Variants in STIP1 observed in about 807,000 individuals in gnomAD.
STIP1 encodes stress induced phosphoprotein 1, also known as stress-induced-phosphoprotein 1.
A neutral mutation model predicts 77.4 loss-of-function variants in STIP1; 16 were observed. That is an observed-to-expected ratio of 0.21 (90% confidence interval 0.14 to 0.31). STIP1 has a LOEUF of 0.31. STIP1 is among the 10% of genes least tolerant of loss of function. The probability of loss-of-function intolerance (pLI) is 1.00; values close to 1 mark genes in which losing one functional copy is unlikely to be tolerated. For synonymous variants in STIP1, 258 were observed against 246.6 expected (o/e 1.05, Z -0.44); for missense variants, 524 against 684.8 (o/e 0.77, Z 2.62).
chr11:64,197,729 C>T, intron 7 of STIP1, 125 bp from the exon 8 acceptor site: 1 of 1,547,842 alleles, frequency 6.5e-7, no homozygotes, highest in South Asian at 1.2e-5. Context: ...AAGAAGGTCA[C>T]CAGAGACAAG....
chr11:64,203,838 A>G, intron 13 of STIP1: 1 of 769,460 alleles, frequency 1.3e-6, no homozygotes, highest in Non-Finnish European at 2.1e-6. Context: ...TTTAGCTGGG[A>G]GAAAGGTCTT....
rs771743229 is a variant in STIP1, at chr11:64,203,642, C to T, written c.1559+20C>T. On this transcript the variant is annotated intron_variant, in intron 13 of 13. Transcript: ENST00000305218. Reference sequence around the variant, plus strand: ...CAGCGAGTACGTAGAGTCAGAGAGGCGGCCTTGCTGGAAATGGAGAACAAA... The same window carrying T: ...CAGCGAGTACGTAGAGTCAGAGAGGTGGCCTTGCTGGAAATGGAGAACAAA... 10 of 1,614,022 alleles carry T rather than the reference C, an allele frequency of 6.2e-6. No individual in the cohort carries two copies. The highest frequency in any genetic ancestry group is 1.1e-5 in the South Asian group (1 of 91,078).
chr11:64,197,817 C>G, intron 7 of STIP1, 37 bp from the exon 8 acceptor site: 2 of 1,598,174 alleles, frequency 1.3e-6, no homozygotes, highest in Non-Finnish European at 1.7e-6. Context: ...CTTTATCTCT[C>G]TGTCCTAAGC....
rs201356352 is a variant in STIP1, at chr11:64,186,258, C to T, written c.-4C>T. ...TTCAACGGGGTTCCGGACCGCGCTG[C>T]GCTATGGAGCAGGTGAAGGGGGAGG... On this transcript the variant is annotated 5_prime_UTR_variant, in exon 1 of 14. Transcript: ENST00000305218. 13 of 1,508,470 alleles carry T rather than the reference C, an allele frequency of 8.6e-6. No individual in the cohort carries two copies. In the East Asian group the frequency reaches 2.4e-4, roughly 28 times the overall value. 93.4% of individuals were successfully genotyped at this position (1,508,470 alleles called of 1,614,324 possible). A position where few individuals can be genotyped will look rare whatever the true frequency, so the allele number is the denominator to read the frequency against.
intron 10 of STIP1, 110 bp downstream of exon 10, chr11:64,200,403 C>T (rs920467257): frequency 6.7e-7 from 1 of 1,491,408 alleles, no homozygotes; most frequent in African/African-American, 1.4e-5. Flanking sequence ...ATGTTTGAGA[C>T]AGTGTCTCAC....
chr11:64,202,972 G>A, intron 11 of STIP1, 60 bp downstream of exon 11: 1 of 1,612,768 alleles, frequency 6.2e-7, no homozygotes, highest in Non-Finnish European at 8.5e-7. Context: ...GAAGGAAAGG[G>A]CAAGCCCTTT....
In STIP1 at chr11:64,194,251, C is replaced by T. The variant is rs1459544209; in HGVS notation, c.282C>T (p.Thr94=). Residue 94 remains threonine (T), a synonymous_variant, in exon 3 of 14, where the codon ACC becomes ACT. Coordinates refer to ENST00000305218, the MANE Select transcript of STIP1 (RefSeq NM_006819.3). ...ACCGCTTTGAAGAAGCCAAGCGAAC[C>T]TATGAGGAGGGCTTAAAACACGAGG... ...FLNRFEEAKR[T]YEEGLKHEAN... 1 of 1,614,174 alleles carries T rather than the reference C, an allele frequency of 6.2e-7. No homozygotes were observed. Among genetic ancestry groups the T allele is most frequent in the Non-Finnish European group, 8.5e-7 (1 of 1,180,040 alleles).
chr11:64,185,790 A>G (rs1483036260), upstream of STIP1: 1 of 1,534,172 alleles, frequency 6.5e-7, no homozygotes, highest in Non-Finnish European at 8.7e-7. Context: ...CCTCCGCCCA[A>G]TTGGAATCGC....
chr11:64,202,968 A>G (rs563114396), intron 11 of STIP1, 56 bp downstream of exon 11: 2 of 1,613,206 alleles, frequency 1.2e-6, no homozygotes, highest in East Asian at 4.5e-5. Flanking sequence ...TAGAGAAGGA[A>G]AGGGCAAGCC....
chr11:64,185,650 G>A (rs919731326), upstream of STIP1: 10 of 847,512 alleles, frequency 1.2e-5, no homozygotes, highest in African/African-American at 3.4e-5. Flanking sequence ...CAACCCAGAG[G>A]CCCCGCAGCC....
chr11:64,197,358 C>T lies in STIP1; in HGVS notation c.760C>T (p.Leu254=), dbSNP rs769860580. ...ALKHYDKAKE[L]DPTNMTYITN... is the part of the protein sequence containing the mutation. The stretch of plus-strand genomic sequence containing the variant: ...GAAGCATTACGACAAAGCCAAGGAG[C>T]TGGACCCCACTAACATGACTTACAT... The change falls in exon 6 of 14, where the codon CTG becomes TTG. Residue 254 remains leucine (L), a synonymous_variant. Transcript: ENST00000305218. 4 of 1,613,904 alleles carry T rather than the reference C, an allele frequency of 2.5e-6. No homozygotes were observed. The highest frequency in any genetic ancestry group is 2.7e-5 in the African/African-American group (2 of 74,880).
intron 3 of STIP1, 38 bp downstream of exon 3, chr11:64,194,368 G>A (rs374050078): frequency 2.4e-5 from 39 of 1,611,666 alleles, no homozygotes; most frequent in East Asian, 2.2e-5. Flanking sequence ...TATTATTAAT[G>A]TGATTAATTT....
intron 1 of STIP1, among the ~76,000 whole-genome samples, chr11:64,189,999 C>T (rs1195282190): frequency 6.9e-6 from 1 of 144,074 alleles, no homozygotes; most frequent in Non-Finnish European, 1.5e-5. Context: ...AAAATCATTT[C>T]TCTCTTTTTT....
At chr11:64,194,143 T>TA in intron 2 of STIP1, 46 bp from the exon 3 acceptor site, 1 of 1,575,762 alleles carries the variant, frequency 6.3e-7, no homozygotes, top group African/African-American at 1.4e-5. Context: ...CTTCTAGATT[T>TA]ACCTCTGGGT....
At chr11:64,185,475 G>A (rs1945998818), upstream of STIP1, 2 of 307,008 alleles carry the variant, frequency 6.5e-6, no homozygotes, top group Non-Finnish European at 1.2e-5. Flanking sequence ...GGGCCGGGCC[G>A]AGGCCGGAGC....
At chr11:64,202,763 CCT>C in intron 10 of STIP1, 111 bp from the exon 11 acceptor site, 3 of 1,175,262 alleles carry the variant, frequency 2.6e-6, no homozygotes, top group Non-Finnish European at 3.8e-6. Flanking sequence ...GATGTTGTCC[CCT>C]CTGTTTGGTG....
rs748862771 is a variant in STIP1 at position 64,200,272 on chromosome 11, G to A, written c.1224G>A (p.Leu408=). ...SNRAACYTKL[L]EFQLALKDCE... is the part of the protein sequence containing the mutation. ...GAGCTGCCTGCTACACCAAACTCCT[G>A]GAGTTCCAGCTGGCACTCAAGGTGA... is the stretch of plus-strand genomic sequence containing the variant. The change falls in exon 10 of 14, where the codon CTG becomes CTA. Residue 408 remains leucine, a synonymous_variant. Coordinates refer to ENST00000305218, the MANE Select transcript of STIP1 (RefSeq NM_006819.3). 5.0e-6 allele frequency: 8 copies of A among 1,612,282 alleles called. No homozygotes were observed. In the East Asian group the frequency reaches 1.6e-4, roughly 31 times the overall value.
intron 2 of STIP1, chr11:64,193,521 C>T (rs368268630): frequency 3.7e-5 from 19 of 507,742 alleles, no homozygotes; most frequent in African/African-American, 2.3e-4. Context: ...CGGTGACGCA[C>T]GCCTGTGATC....
At chr11:64,195,624 A>AT (rs767207590) in intron 4 of STIP1, 21 bp from the exon 5 acceptor site, 15 of 1,551,130 alleles carry the variant, frequency 9.7e-6, no homozygotes, top group Admixed American at 2.2e-5. Flanking sequence ...ATTTTTCTTT[A>AT]TTTTTTTAAA....
Sources: gnomAD v4.1 joint callset for allele counts (sites outside exome capture counted in the v4.1 genomes callset) on GRCh38, gnomAD v4.1.1 for gene constraint, MANE v1.5 for transcripts, NCBI Gene and HGNC (gene_info 2026-07-23, HGNC 2026-07-21) for gene names.